The following CMC2 variants were observed in gnomAD, a reference collection of about 807,000 sequenced individuals.
The protein encoded by CMC2 is COX assembly mitochondrial protein 2 homolog.
In CMC2, 5 loss-of-function variants were observed where a neutral mutation model predicts 7.5. The observed-to-expected ratio is 0.66, with a 90% confidence interval of 0.35 to 1.40. The LOEUF (loss-of-function observed/expected upper bound fraction) is 1.40, where lower values mean the gene tolerates loss of function less well. Among genes scored for constraint, CMC2 ranks in the 40% most tolerant of loss-of-function variants. The pLI, the probability that CMC2 is intolerant of heterozygous loss-of-function variation, is 0.04. For missense variants in CMC2, 115 were observed against 92.3 expected (o/e 1.25, Z -1.01); for synonymous variants, 37 against 31.4 (o/e 1.18, Z -0.60).
At chr16:80,981,001 C>T (rs1248838421) in intron 3 of CMC2, 3 of 407,848 alleles carry the variant, frequency 7.4e-6, no homozygotes, top group East Asian at 7.3e-5. Context: ...AAGGGAAAAA[C>T]AGCCTAAGCA....
In CMC2 at chr16:80,973,960, T is replaced by A. The variant is rs1597202880; in HGVS notation, c.*2133A>T. 1 of 152,216 alleles carries A rather than the reference T, an allele frequency of 6.6e-6. No individual in the cohort carries two copies. The highest frequency in any genetic ancestry group is 1.5e-5 in the Non-Finnish European group (1 of 68,040). 9.4% of individuals were successfully genotyped at this position (152,216 alleles called of 1,614,324 possible). ...CTGCTCTTATGGTCAGCTACTGACA[T>A]TGGCCTACAGGGCCTTAGCTGGCAT... On this transcript the variant is annotated 3_prime_UTR_variant, in exon 4 of 4. Transcript: ENST00000219400.
chr16:80,989,240 C>A (rs2151632558), intron 2 of CMC2, among the ~76,000 whole-genome samples: 1 of 152,300 alleles, frequency 6.6e-6, no homozygotes, highest in Admixed American at 6.5e-5. Context: ...CTGACTAAAT[C>A]AATTACTACT....
chr16:80,982,560 T>A (rs140685871), intron 2 of CMC2: 1 of 150,644 alleles, frequency 6.6e-6, no homozygotes, highest in East Asian at 1.9e-4. Flanking sequence ...GTCTATTTTG[T>A]CATTTACTAC....
chr16:80,990,087 C>T (rs755192888), intron 2 of CMC2, among the ~76,000 whole-genome samples: 1 of 122,472 alleles, frequency 8.2e-6, no homozygotes, highest in Non-Finnish European at 1.8e-5. Context: ...CTCTGCTCAT[C>T]CTTTTTTTCA....
chr16:80,984,428 C>G (rs890295735), intron 2 of CMC2, among the ~76,000 whole-genome samples: 1 of 152,114 alleles, frequency 6.6e-6, no homozygotes, highest in African/African-American at 2.4e-5. Flanking sequence ...CCTGCTTCAC[C>G]ACCATTTTAA....
chr16:80,989,125 G>C (rs74818818), intron 2 of CMC2, among the ~76,000 whole-genome samples: 6 of 152,216 alleles, frequency 3.9e-5, no homozygotes, highest in African/African-American at 1.4e-4. Context: ...CACCGTATTC[G>C]TTTTTCCTCT....
intron 1 of CMC2, 91 bp downstream of exon 1, chr16:81,006,642 GC>G (rs1335956932): frequency 1.3e-5 from 12 of 923,932 alleles, no homozygotes; most frequent in Non-Finnish European, 1.6e-5. Flanking sequence ...GGGCCGACGG[GC>G]GGCAGGAAGG....
At position 80,976,056 on chromosome 16, in the gene CMC2, G is replaced by A. The variant is rs1193659041; in HGVS notation, c.*37C>T. ...TCAGGTATCAACCCAGAGTCTTTAG[G>A]TCTTCTCTCAGCCAAGGCATCGAGT... On this transcript the variant is annotated 3_prime_UTR_variant, in exon 4 of 4. Coordinates refer to ENST00000219400, the MANE Select transcript of CMC2 (RefSeq NM_020188.5). 8.4e-7 allele frequency: 1 copy of A among 1,184,772 alleles called. No homozygotes were observed. The highest frequency in any genetic ancestry group is 1.2e-5 in the South Asian group (1 of 82,156). The allele number at this position is 1,184,772 out of a possible 1,614,324, so 73.4% of individuals were successfully genotyped here. A position where few individuals can be genotyped will look rare whatever the true frequency, so the allele number is the denominator to read the frequency against.
chr16:80,968,230 CTTTT>C lies in CMC2; in HGVS notation c.*7859_*7862del, dbSNP rs35095715. ...GGGTGGGGTCTAAAACTCTCCATTTCTTTTTTTTATTTTTATTTTTGTAGAGACA... is the reference window on the plus strand; with the variant it reads ...GGGTGGGGTCTAAAACTCTCCATTTCTTTTATTTTTATTTTTGTAGAGACA... On this transcript the variant is annotated 3_prime_UTR_variant, in exon 4 of 4. Coordinates refer to ENST00000219400, the MANE Select transcript of CMC2 (RefSeq NM_020188.5). 0.16 allele frequency: 24,275 copies of C among 151,848 alleles called. 2,445 individuals are homozygous for C. Among genetic ancestry groups the C allele is most frequent in the African/African-American group, 0.3 (12,310 of 41,336 alleles). 9.4% of individuals were successfully genotyped at this position (151,848 alleles called of 1,614,324 possible). A position where few individuals can be genotyped will look rare whatever the true frequency, so the allele number is the denominator to read the frequency against.
chr16:80,978,138 A>G (rs1412097494), intron 3 of CMC2: 19 of 323,816 alleles, frequency 5.9e-5, no homozygotes, highest in Non-Finnish European at 7.8e-5. Context: ...CATTTTATCT[A>G]TCATACATTA....
In CMC2 at chr16:80,975,699, G is replaced by A. The variant is rs1472127067; in HGVS notation, c.*394C>T. On this transcript the variant is annotated 3_prime_UTR_variant, in exon 4 of 4. Transcript: ENST00000219400. ...CATTTTCAAATAGTTAACACTGCTGGGATTTCCCCAGAATTCTTCAACATC... is the reference window on the plus strand; with the variant it reads ...CATTTTCAAATAGTTAACACTGCTGAGATTTCCCCAGAATTCTTCAACATC... 1 of 156,998 alleles carries A rather than the reference G, an allele frequency of 6.4e-6. No homozygotes were observed. Among genetic ancestry groups the A allele is most frequent in the African/African-American group, 2.4e-5 (1 of 41,418 alleles). The allele number at this position is 156,998 out of a possible 1,614,324, so 9.7% of individuals were successfully genotyped here.
At position 80,968,744 on chromosome 16, in the gene CMC2, C is replaced by A. The variant is rs945486310; in HGVS notation, c.*7349G>T. On this transcript the variant is annotated 3_prime_UTR_variant, in exon 4 of 4. Transcript: ENST00000219400. ...GTTTTTAAAGGTGTAGTTGAGCTCA[C>A]AAGAAAGGAAAGAAAATCCTTGGGG... The A allele has an allele frequency of 1.3e-5, 2 of 151,952 alleles. No homozygotes were observed. Among genetic ancestry groups the A allele is most frequent in the African/African-American group, 4.8e-5 (2 of 41,346 alleles). The allele number at this position is 151,952 out of a possible 1,614,324, so 9.4% of individuals were successfully genotyped here. A position where few individuals can be genotyped will look rare whatever the true frequency, so the allele number is the denominator to read the frequency against.
intron 3 of CMC2, 73 bp downstream of exon 3, chr16:80,981,733 G>C (rs1713706668): frequency 2.3e-6 from 2 of 881,704 alleles, no homozygotes. Context: ...TTCAATAATG[G>C]CAGTAATACA....
rs1911750205 is a variant in CMC2 at position 80,969,157 on chromosome 16, A to C, written c.*6936T>G. The stretch of plus-strand genomic sequence containing the variant: ...TGGAAGCAACTATCTTTTTTATGAT[A>C]TAAAAAGGGCAGGAGGAGAGACAGT... On this transcript the variant is annotated 3_prime_UTR_variant, in exon 4 of 4. Coordinates refer to ENST00000219400, the MANE Select transcript of CMC2 (RefSeq NM_020188.5). 1 of 152,214 alleles carries C rather than the reference A, an allele frequency of 6.6e-6. No individual in the cohort carries two copies. The highest frequency in any genetic ancestry group is 1.5e-5 in the Non-Finnish European group (1 of 68,054). 9.4% of individuals were successfully genotyped at this position (152,214 alleles called of 1,614,324 possible). A position where few individuals can be genotyped will look rare whatever the true frequency, so the allele number is the denominator to read the frequency against.
intron 2 of CMC2, among the ~76,000 whole-genome samples, chr16:80,987,753 C>A (rs1432298242): frequency 6.6e-6 from 1 of 152,168 alleles, no homozygotes; most frequent in African/African-American, 2.4e-5. Context: ...TTGGAGAGCA[C>A]TGCAGCATTC....
intron 2 of CMC2, chr16:80,988,486 G>T (rs1004647749): frequency 1.5e-6 from 1 of 689,004 alleles, no homozygotes; most frequent in Non-Finnish European, 2.6e-6. Flanking sequence ...ACAGTACAAA[G>T]AATTTCCAAA....
intron 3 of CMC2, chr16:80,978,213 C>G: frequency 1.0e-6 from 1 of 993,910 alleles, no homozygotes; most frequent in Non-Finnish European, 1.2e-6. Context: ...GGAAGGATAC[C>G]TGCTCTGAGA....
chr16:80,981,770 T>C (rs768624531), intron 3 of CMC2, 36 bp downstream of exon 3: 2 of 1,353,480 alleles, frequency 1.5e-6, no homozygotes, highest in East Asian at 2.3e-5. Flanking sequence ...TCTGTTCTAT[T>C]GTTCAACCAT....
At chr16:81,005,550 G>T (rs1356483919) in intron 1 of CMC2, among the ~76,000 whole-genome samples, 1 of 151,800 alleles carries the variant, frequency 6.6e-6, no homozygotes, top group Non-Finnish European at 1.5e-5. Context: ...TCGCAGACAC[G>T]GTCGGGGACG....
Sources: gnomAD v4.1 joint callset for allele counts (sites outside exome capture counted in the v4.1 genomes callset) on GRCh38, gnomAD v4.1.1 for gene constraint, MANE v1.5 for transcripts, NCBI Gene and HGNC (gene_info 2026-07-23, HGNC 2026-07-21) for gene names.